The following PCDHGA12 variants were observed in gnomAD, a reference collection of about 807,000 sequenced individuals.
The protein encoded by PCDHGA12 is protocadherin gamma-A12.
Under a neutral mutation model 61.1 loss-of-function variants are expected in PCDHGA12, and 43 were observed. The observed-to-expected ratio is 0.70, with a 90% CI of 0.55 to 0.91. The LOEUF is 0.91. Among genes scored for constraint, PCDHGA12 ranks in the 40% least tolerant of loss-of-function variants. PCDHGA12 has a pLI of 0.00. For missense variants in PCDHGA12, 1,236 were observed against 1,227.7 expected (o/e 1.01, Z -0.10); for synonymous variants, 520 against 542.9 (o/e 0.96, Z 0.59).
intron 1 of PCDHGA12, among the ~76,000 whole-genome samples, chr5:141,492,080 G>A (rs576661909): frequency 6.6e-6 from 1 of 152,352 alleles, no homozygotes; most frequent in African/African-American, 2.4e-5. Context: ...GCCGGCTCCG[G>A]CACGCTTCGC....
intron 1 of PCDHGA12, among the ~76,000 whole-genome samples, chr5:141,450,485 T>A (rs1382219564): frequency 6.6e-6 from 1 of 152,160 alleles, no homozygotes; most frequent in Non-Finnish European, 1.5e-5. Flanking sequence ...GTTTGTTTGT[T>A]TGTCTGTTTG....
At chr5:141,492,954 A>G (rs2099745299) in intron 1 of PCDHGA12, among the ~76,000 whole-genome samples, 1 of 152,212 alleles carries the variant, frequency 6.6e-6, no homozygotes, top group Non-Finnish European at 1.5e-5. Context: ...TGACCAAACT[A>G]TCTGACACTC....
intron 1 of PCDHGA12, among the ~76,000 whole-genome samples, chr5:141,442,888 GCTTATCA>G (rs776180931): frequency 8.5e-5 from 13 of 152,204 alleles, no homozygotes; most frequent in Non-Finnish European, 1.8e-4. Flanking sequence ...CAGAATCCCT[GCTTATCA>G]CTTCTCCTTC....
Position 141,431,706 on chromosome 5 carries a change from A to T in PCDHGA12, c.947A>T (p.Gln316Leu). The T allele has an allele frequency of 6.2e-7, 1 of 1,614,248 alleles. No homozygotes were observed. The highest frequency in any genetic ancestry group is 8.5e-7 in the Non-Finnish European group (1 of 1,180,048). Residue 316 changes from glutamine to leucine, a missense_variant, in exon 1 of 4, where the codon CAG (glutamine) becomes CTG (leucine). Coordinates refer to ENST00000252085, the MANE Select transcript of PCDHGA12 (RefSeq NM_003735.3). The surrounding 1 kb of genome is among the most constrained non-coding windows in gnomAD (Gnocchi z 4.8). ...GACCACGAGGAGTCAGGATTCTACC[A>T]GATGGAAGTGCAAGCAATGGATAAT... ...ELDHEESGFY[Q>L]MEVQAMDNAG...
At position 141,476,356 on chromosome 5, in the gene PCDHGA12, C is replaced by T. The variant is rs757679991; in HGVS notation, c.2425-18451C>T. The stretch of plus-strand genomic sequence containing the variant: ...CTAGCCGAAGATTCTTTGAGGTGAA[C>T]CGGGAGACCGGAGAGATGTTTGTGA... On this transcript the variant is annotated intron_variant, in intron 1 of 3. Coordinates refer to ENST00000252085, the MANE Select transcript of PCDHGA12 (RefSeq NM_003735.3). This position sits in a 1 kb window ranked among gnomAD's most constrained non-coding sequence, Gnocchi z 7.6. 6 of 1,613,958 alleles carry T rather than the reference C, an allele frequency of 3.7e-6. No individual in the cohort carries two copies. The African/African-American group carries it at 4.0e-5, about 11-fold the overall frequency.
intron 1 of PCDHGA12, chr5:141,478,700 C>A: frequency 1.3e-6 from 2 of 1,549,172 alleles, no homozygotes; most frequent in Non-Finnish European, 1.7e-6. Flanking sequence ...AAAGTTAGTG[C>A]CTTTGTGAGA....
rs751024373 is a variant in PCDHGA12, at chr5:141,491,801, G to A, written c.2425-3006G>A. On this transcript the variant is annotated intron_variant, in intron 1 of 3. Coordinates refer to ENST00000252085, the MANE Select transcript of PCDHGA12 (RefSeq NM_003735.3). The surrounding 1 kb of genome is among the most constrained non-coding windows in gnomAD (Gnocchi z 6.9). ...AACTTGCATCCACTCCTCTCCGGCC[G>A]GCTTGGTCGCTGGCTGCGCTCCACC... 2.7e-6 allele frequency: 4 copies of A among 1,500,726 alleles called. No homozygotes were observed. The Admixed American group carries it at 7.3e-5, about 28-fold the overall frequency. 93.0% of individuals were successfully genotyped at this position (1,500,726 alleles called of 1,614,324 possible). A position where few individuals can be genotyped will look rare whatever the true frequency, so the allele number is the denominator to read the frequency against.
At chr5:141,478,159 T>C (rs1456465606) in intron 1 of PCDHGA12, 2 of 1,614,064 alleles carry the variant, frequency 1.2e-6, no homozygotes, top group Admixed American at 1.7e-5. Flanking sequence ...CCTCTGGCTC[T>C]GCCCCCCGGG....
intron 3 of PCDHGA12, among the ~76,000 whole-genome samples, chr5:141,506,435 G>C (rs1470687416): frequency 7.9e-6 from 1 of 126,278 alleles, no homozygotes; most frequent in East Asian, 2.1e-4. Flanking sequence ...CAACAGTCTC[G>C]CTCTGTCTCA....
chr5:141,497,626 G>T (rs1373764805), intron 2 of PCDHGA12, among the ~76,000 whole-genome samples: 3 of 149,502 alleles, frequency 2.0e-5, no homozygotes, highest in Non-Finnish European at 4.4e-5. Flanking sequence ...TGCAACCTCT[G>T]CCTGCCAGGT....
intron 1 of PCDHGA12, among the ~76,000 whole-genome samples, chr5:141,461,366 A>G (rs1186381077): frequency 6.6e-6 from 1 of 151,964 alleles, no homozygotes; most frequent in Non-Finnish European, 1.5e-5. Flanking sequence ...TTGTGGTTTT[A>G]ATTTGCATTT....
In PCDHGA12 at chr5:141,511,318, A is replaced by C; in HGVS notation, c.*145A>C. 2 of 1,476,400 alleles carry C rather than the reference A, an allele frequency of 1.4e-6. No homozygotes were observed. Among genetic ancestry groups the C allele is most frequent in the South Asian group, 2.7e-5 (2 of 72,796 alleles). 91.5% of individuals were successfully genotyped at this position (1,476,400 alleles called of 1,614,324 possible). On this transcript the variant is annotated 3_prime_UTR_variant, in exon 4 of 4. Transcript: ENST00000252085. The stretch of plus-strand genomic sequence containing the variant: ...GCCATGCTCCCCTTGGGAAACAGAA[A>C]CAAGTGCCCAGTCAGCACCTACCCC...
In PCDHGA12 at chr5:141,511,251, A is replaced by T. The variant is rs780892899; in HGVS notation, c.*78A>T. 2.0e-5 allele frequency: 32 copies of T among 1,571,672 alleles called. No homozygotes were observed. Among genetic ancestry groups the T allele is most frequent in the Non-Finnish European group, 2.6e-5 (30 of 1,158,828 alleles). ...TTCTCCTTACCTGCACCCAGGCCTC[A>T]GAGTTTCAGGGCTAACCCCCAGAAT... On this transcript the variant is annotated 3_prime_UTR_variant, in exon 4 of 4. Transcript: ENST00000252085.
At chr5:141,478,449 C>A in intron 1 of PCDHGA12, 1 of 1,613,540 alleles carries the variant, frequency 6.2e-7, no homozygotes. Context: ...AAACCTGGTG[C>A]AGCCAGTCCA....
intron 2 of PCDHGA12, among the ~76,000 whole-genome samples, chr5:141,502,829 C>A (rs1034808123): frequency 2.0e-5 from 3 of 150,428 alleles, no homozygotes; most frequent in African/African-American, 7.4e-5. Context: ...CTTGGGGAAG[C>A]CTGGACTGGC....
chr5:141,473,033 GGAAA>G (rs1282468299), intron 1 of PCDHGA12, among the ~76,000 whole-genome samples: 6 of 146,356 alleles, frequency 4.1e-5, no homozygotes, highest in South Asian at 2.2e-4. Flanking sequence ...AAGGAAGGAA[GGAAA>G]GAAAGAAAGA....
Position 141,485,875 on chromosome 5 carries a change from C to T in PCDHGA12, c.2425-8932C>T, listed in dbSNP as rs1254918181. The T allele has an allele frequency of 1.9e-6, 3 of 1,614,150 alleles. No homozygotes were observed. The highest frequency in any genetic ancestry group is 2.2e-5 in the East Asian group (1 of 44,862). On this transcript the variant is annotated intron_variant, in intron 1 of 3. Transcript: ENST00000252085. This position sits in a 1 kb window ranked among gnomAD's most constrained non-coding sequence, Gnocchi z 5.7. ...CAGAGCTCCGGGTATCCGTGCTGGACGTAAACGACAACGCCCCAGCCTTCC... is the reference window on the plus strand; with the variant it reads ...CAGAGCTCCGGGTATCCGTGCTGGATGTAAACGACAACGCCCCAGCCTTCC...
In PCDHGA12 at chr5:141,477,650, A is replaced by G. The variant is rs199931735; in HGVS notation, c.2425-17157A>G. ...CGGGCTAGTGGGTCGCTATTTCACA[A>G]TAAATCGTGACAATGGCATAGTGTC... On this transcript the variant is annotated intron_variant, in intron 1 of 3. Transcript: ENST00000252085. This position sits in a 1 kb window ranked among gnomAD's most constrained non-coding sequence, Gnocchi z 4.9. The G allele has an allele frequency of 6.2e-6, 10 of 1,614,212 alleles. No individual in the cohort carries two copies. The highest frequency in any genetic ancestry group is 2.2e-5 in the East Asian group (1 of 44,888).
intron 1 of PCDHGA12, among the ~76,000 whole-genome samples, chr5:141,480,689 C>A (rs1266042791): frequency 6.6e-6 from 1 of 152,126 alleles, no homozygotes; most frequent in Non-Finnish European, 1.5e-5. Flanking sequence ...AATTCTGAAA[C>A]CCAGGCCACA....
Sources: allele counts gnomAD v4.1 joint callset (sites outside exome capture counted in the v4.1 genomes callset), GRCh38; gene constraint gnomAD v4.1.1; non-coding constraint Gnocchi (gnomAD v3.1); transcripts MANE v1.5; gene names NCBI Gene and HGNC (gene_info 2026-07-23, HGNC 2026-07-21).